Variants in MTUS2 observed in about 807,000 individuals in gnomAD.
MTUS2 encodes microtubule associated scaffold protein 2.
A neutral mutation model predicts 114.1 loss-of-function variants in MTUS2; 40 were observed. That is an observed-to-expected ratio of 0.35 (90% CI 0.27 to 0.46). The LOEUF (loss-of-function observed/expected upper bound fraction) is 0.46, where lower values mean the gene tolerates loss of function less well. MTUS2 is among the 20% of genes least tolerant of loss of function. The pLI is 1.00. For missense variants in MTUS2, 1,679 were observed against 1,705.4 expected, an observed-to-expected ratio of 0.98 and a Z score of 0.27; for synonymous variants, 688 against 672.0, an observed-to-expected ratio of 1.02 and a Z score of -0.37.
chr13:28,883,762 G>T (rs1411695709), intron 2 of MTUS2, among the ~76,000 whole-genome samples: 1 of 152,138 alleles, frequency 6.6e-6, no homozygotes, highest in Admixed American at 6.6e-5. Flanking sequence ...CATGTTATCA[G>T]ATTGCACTGA....
chr13:28,855,448 C>CA (rs1222596141), intron 2 of MTUS2, among the ~76,000 whole-genome samples: 1 of 152,162 alleles, frequency 6.6e-6, no homozygotes, highest in Non-Finnish European at 1.5e-5. Context: ...TGACAGGCCC[C>CA]AGCGTGTGTC....
chr13:29,172,566 C>G (rs1893606962), intron 5 of MTUS2, among the ~76,000 whole-genome samples: 2 of 152,154 alleles, frequency 1.3e-5, no homozygotes, highest in Non-Finnish European at 2.9e-5. Flanking sequence ...ATTTAGGACT[C>G]TTGACTCTGG....
intron 14 of MTUS2, 87 bp from the exon 15 acceptor site, chr13:29,501,010 A>C: frequency 3.0e-6 from 3 of 989,976 alleles, no homozygotes; most frequent in Non-Finnish European, 4.7e-6. Context: ...GTTCTTGATA[A>C]TCCTCCAATG....
chr13:28,989,022 A>T (rs561045078), intron 2 of MTUS2, among the ~76,000 whole-genome samples: 1 of 152,226 alleles, frequency 6.6e-6, no homozygotes, highest in African/African-American at 2.4e-5. Context: ...CTTTGAGTCA[A>T]TTGGTTTTGG....
At chr13:28,987,493 A>G (rs1884641496) in intron 2 of MTUS2, among the ~76,000 whole-genome samples, 1 of 152,118 alleles carries the variant, frequency 6.6e-6, no homozygotes, top group South Asian at 2.1e-4. Flanking sequence ...AGAAAGAGAC[A>G]TGAAATGAAA....
chr13:29,307,701 C>G, intron 6 of MTUS2: 1 of 1,131,078 alleles, frequency 8.8e-7, no homozygotes, highest in South Asian at 1.2e-5. Context: ...ACCACTTTTT[C>G]AAGCTCATTT....
chr13:28,935,042 T>G (rs1446406437), intron 2 of MTUS2, among the ~76,000 whole-genome samples: 2 of 136,552 alleles, frequency 1.5e-5, no homozygotes, highest in East Asian at 2.4e-4. Flanking sequence ...TTGCCCATGC[T>G]TCTTGTTTGT....
At chr13:29,105,351 A>G (rs1399541759) in intron 5 of MTUS2, among the ~76,000 whole-genome samples, 1 of 152,226 alleles carries the variant, frequency 6.6e-6, no homozygotes, top group African/African-American at 2.4e-5. Context: ...GGTTTCATAA[A>G]TTAATCATTA....
intron 8 of MTUS2, among the ~76,000 whole-genome samples, chr13:29,383,250 G>GTATATATATATATATTTA (rs763660299): frequency 3.1e-5 from 2 of 64,390 alleles, no homozygotes; most frequent in Non-Finnish European, 9.0e-5. Flanking sequence ...GTGTGTGTGT[G>GTATATATATATATATTTA]TGTATTTATT....
chr13:28,985,945 C>A (rs1884565587), intron 2 of MTUS2, among the ~76,000 whole-genome samples: 1 of 152,186 alleles, frequency 6.6e-6, no homozygotes, highest in Non-Finnish European at 1.5e-5. Flanking sequence ...AGCTTTTGGA[C>A]TTGCCAGCTT....
chr13:29,307,343 A>G lies in MTUS2; in HGVS notation c.2807-17270A>G, dbSNP rs545070527. The G allele has an allele frequency of 7.1e-5, 51 of 715,526 alleles. No individual in the cohort carries two copies. In the East Asian group the frequency reaches 1.3e-3, roughly 18 times the overall value. The allele number at this position is 715,526 out of a possible 1,614,324, so 44.3% of individuals were successfully genotyped here. On this transcript the variant is annotated intron_variant, in intron 6 of 15. Transcript: ENST00000612955. ...GTCCCTGCCACCCAGAAGACTGTGG[A>G]TGGACCATCCAGGAGACTGTGGTGT... is the stretch of plus-strand genomic sequence containing the variant.
chr13:29,190,436 C>T (rs1346899049), intron 5 of MTUS2, among the ~76,000 whole-genome samples: 1 of 152,176 alleles, frequency 6.6e-6, no homozygotes, highest in African/African-American at 2.4e-5. Flanking sequence ...GGATGCACAC[C>T]CAGGTCGCCT....
intron 7 of MTUS2, among the ~76,000 whole-genome samples, chr13:29,358,188 G>T (rs1055794922): frequency 2.0e-5 from 3 of 152,148 alleles, no homozygotes; most frequent in African/African-American, 2.4e-5. Flanking sequence ...CAATAGCAGG[G>T]GTTCTCCGAC....
chr13:28,982,620 A>C (rs1884409849), intron 2 of MTUS2, among the ~76,000 whole-genome samples: 1 of 152,228 alleles, frequency 6.6e-6, no homozygotes, highest in African/African-American at 2.4e-5. Context: ...GAAGCAACCT[A>C]ACTGCCCACT....
chr13:29,035,874 G>A (rs1763842090), intron 4 of MTUS2, among the ~76,000 whole-genome samples: 1 of 152,100 alleles, frequency 6.6e-6, no homozygotes, highest in African/African-American at 2.4e-5. Context: ...GCTTGGCGTG[G>A]TGGCTCACGA....
At chr13:29,155,993 G>A (rs1380837325) in intron 5 of MTUS2, among the ~76,000 whole-genome samples, 4 of 152,090 alleles carry the variant, frequency 2.6e-5, no homozygotes, top group African/African-American at 7.2e-5. Flanking sequence ...ATAAACAGCC[G>A]TTTGCCCATA....
At chr13:29,171,997 C>T (rs1893582152) in intron 5 of MTUS2, among the ~76,000 whole-genome samples, 1 of 152,214 alleles carries the variant, frequency 6.6e-6, no homozygotes. Flanking sequence ...CCTGTTTCTT[C>T]CAGGTGGCCA....
At chr13:29,093,642 T>C (rs1381031878) in intron 4 of MTUS2, among the ~76,000 whole-genome samples, 1 of 152,228 alleles carries the variant, frequency 6.6e-6, no homozygotes, top group Non-Finnish European at 1.5e-5. Flanking sequence ...TTATTAGTTA[T>C]AATAGTTTTT....
chr13:28,878,269 G>A (rs890172830), intron 2 of MTUS2, among the ~76,000 whole-genome samples: 4 of 150,010 alleles, frequency 2.7e-5, no homozygotes, highest in Admixed American at 1.3e-4. Flanking sequence ...GTGTATATGT[G>A]TATATATGTG....
Sources: allele counts gnomAD v4.1 joint callset (sites outside exome capture counted in the v4.1 genomes callset), GRCh38; gene constraint gnomAD v4.1.1; transcripts MANE v1.5; gene names NCBI Gene and HGNC (gene_info 2026-07-23, HGNC 2026-07-21).